MAP4K3: variants seen among roughly 807,000 people sequenced by gnomAD.
MAP4K3 encodes the protein mitogen-activated protein kinase kinase kinase kinase 3, also known as MAPK/ERK kinase kinase kinase 3.
A neutral mutation model predicts 143.5 loss-of-function variants in MAP4K3; 94 were observed. The observed-to-expected ratio is 0.65, with a 90% CI of 0.55 to 0.78. The LOEUF (loss-of-function observed/expected upper bound fraction) is 0.78. MAP4K3 is among the 30% of genes least tolerant of loss of function. MAP4K3 has a pLI of 0.00. For missense variants in MAP4K3, 1,077 were observed against 1,068.1 expected (o/e 1.01, Z -0.12); for synonymous variants, 416 against 347.2 (o/e 1.20, Z -2.20).
intron 1 of MAP4K3, among the ~76,000 whole-genome samples, chr2:39,410,535 G>C (rs1364881154): frequency 3.9e-5 from 6 of 152,068 alleles, no homozygotes; most frequent in Non-Finnish European, 2.9e-5. Flanking sequence ...CACTCTAACA[G>C]CCAAAAATCT....
chr2:39,406,150 A>C (rs1268498097), intron 1 of MAP4K3, among the ~76,000 whole-genome samples: 1 of 152,066 alleles, frequency 6.6e-6, no homozygotes, highest in Non-Finnish European at 1.5e-5. Context: ...AAGCAGAAGA[A>C]AGAATGAGTT....
At chr2:39,398,174 C>A (rs561725201) in intron 1 of MAP4K3, among the ~76,000 whole-genome samples, 1 of 152,192 alleles carries the variant, frequency 6.6e-6, no homozygotes, top group South Asian at 2.1e-4. Context: ...AAGAAATACA[C>A]ATGTACAAGC....
intron 1 of MAP4K3, among the ~76,000 whole-genome samples, chr2:39,415,195 A>T (rs1667338569): frequency 6.6e-6 from 1 of 152,232 alleles, no homozygotes; most frequent in African/African-American, 2.4e-5. Context: ...GTTCCAAATG[A>T]ATGGGCTTCA....
intron 26 of MAP4K3, among the ~76,000 whole-genome samples, chr2:39,269,682 C>A (rs1336511887): frequency 2.0e-5 from 3 of 151,976 alleles, no homozygotes; most frequent in Admixed American, 6.6e-5. Context: ...ACTGTTACCT[C>A]TTTTTAAGTA....
At chr2:39,395,208 G>A (rs1213364869) in intron 1 of MAP4K3, among the ~76,000 whole-genome samples, 1 of 152,066 alleles carries the variant, frequency 6.6e-6, no homozygotes, top group East Asian at 1.9e-4. Flanking sequence ...AAACCCACCT[G>A]CAAAGGGCTC....
rs547217943 is a variant in MAP4K3, at chr2:39,366,503, A to G, written c.155-10164T>C. Among the ~76,000 whole-genome samples the G allele has an allele frequency of 5.3e-5, 8 of 152,308 alleles. No individual in the cohort carries two copies. The East Asian group carries it at 1.4e-3, about 26-fold the overall frequency. On this transcript the variant is annotated intron_variant, in intron 2 of 33. Transcript: ENST00000263881. ...CGAAGAAATGTTTCTCTTGAGATGTAAGATCTGTACTGATGTTAATACCAG... is the reference window on the plus strand; with the variant it reads ...CGAAGAAATGTTTCTCTTGAGATGTGAGATCTGTACTGATGTTAATACCAG...
At chr2:39,405,530 G>A (rs1667070853) in intron 1 of MAP4K3, among the ~76,000 whole-genome samples, 2 of 152,236 alleles carry the variant, frequency 1.3e-5, no homozygotes, top group South Asian at 4.2e-4. Flanking sequence ...ACATCCATAA[G>A]CATCAAGACC....
At chr2:39,317,514 T>C (rs1683154673) in intron 12 of MAP4K3, among the ~76,000 whole-genome samples, 1 of 152,028 alleles carries the variant, frequency 6.6e-6, no homozygotes, top group Non-Finnish European at 1.5e-5. Context: ...AACTATGCAT[T>C]TGACCGAGAT....
intron 1 of MAP4K3, among the ~76,000 whole-genome samples, chr2:39,397,563 T>C (rs1448458317): frequency 2.6e-5 from 4 of 152,158 alleles, no homozygotes; most frequent in Admixed American, 6.5e-5. Context: ...TTAAAATTCA[T>C]ACAAACCCAA....
At chr2:39,288,988 C>T (rs1006927183) in intron 19 of MAP4K3, among the ~76,000 whole-genome samples, 1 of 152,158 alleles carries the variant, frequency 6.6e-6, no homozygotes, top group African/African-American at 2.4e-5. Context: ...GGAGGCGTAG[C>T]TTGCAGTGAG....
At chr2:39,328,199 C>T (rs979682895) in intron 8 of MAP4K3, among the ~76,000 whole-genome samples, 3 of 151,980 alleles carry the variant, frequency 2.0e-5, no homozygotes, top group South Asian at 2.1e-4. Flanking sequence ...GGCATGGTGG[C>T]GCATGCCTGT....
chr2:39,346,465 A>T (rs1172634797), intron 3 of MAP4K3, among the ~76,000 whole-genome samples: 1 of 152,188 alleles, frequency 6.6e-6, no homozygotes, highest in Non-Finnish European at 1.5e-5. Context: ...TTTGTTTTTG[A>T]CAGGTGTCTT....
chr2:39,393,241 T>C (rs922286378), intron 1 of MAP4K3, among the ~76,000 whole-genome samples: 1 of 152,174 alleles, frequency 6.6e-6, no homozygotes, highest in Non-Finnish European at 1.5e-5. Flanking sequence ...CACAAAAATG[T>C]ACAAACTGGT....
At chr2:39,343,340 T>C in intron 4 of MAP4K3, 48 bp downstream of exon 4, 1 of 1,280,516 alleles carries the variant, frequency 7.8e-7, no homozygotes, top group Non-Finnish European at 1.1e-6. Context: ...ATAGCTGTAT[T>C]TTAAGAAATT....
Position 39,436,390 on chromosome 2 carries a change from C to CT in MAP4K3, c.96+501dup, listed in dbSNP as rs978376636. Among the ~76,000 whole-genome samples the CT allele has an allele frequency of 1.1e-3, 166 of 151,842 alleles. 3 individuals carry two copies. Among genetic ancestry groups the CT allele is most frequent in the African/African-American group, 3.9e-3 (162 of 41,438 alleles). ...AGGGGGATGAATAAGGCGCTAAAGG[C>CT]TGAGAGCTGTCGATGGAAGATGGAG... On this transcript the variant is annotated intron_variant, in intron 1 of 33. Coordinates refer to ENST00000263881, the MANE Select transcript of MAP4K3 (RefSeq NM_003618.4).
chr2:39,387,657 A>C (rs764267539), intron 1 of MAP4K3, among the ~76,000 whole-genome samples: 1 of 152,228 alleles, frequency 6.6e-6, no homozygotes, highest in Non-Finnish European at 1.5e-5. Flanking sequence ...AGACGCAATG[A>C]AGAGACAATC....
intron 15 of MAP4K3, among the ~76,000 whole-genome samples, chr2:39,300,731 C>G (rs953745569): frequency 4.6e-5 from 7 of 152,220 alleles, no homozygotes; most frequent in Admixed American, 2.0e-4. Flanking sequence ...CACCTTGGAG[C>G]AGCCGCCTTC....
chr2:39,302,832 C>T (rs759932180), intron 15 of MAP4K3, among the ~76,000 whole-genome samples: 24 of 152,140 alleles, frequency 1.6e-4, no homozygotes, highest in Non-Finnish European at 2.1e-4. Context: ...AGTTCAAGAT[C>T]GTTATCCTAG....
Position 39,406,027 on chromosome 2 carries a change from A to C in MAP4K3, c.97-27904T>G, listed in dbSNP as rs868196216. Among the ~76,000 whole-genome samples the C allele has an allele frequency of 2.6e-5, 4 of 152,124 alleles. No homozygotes were observed. The South Asian group carries it at 8.3e-4, about 32-fold the overall frequency. On this transcript the variant is annotated intron_variant, in intron 1 of 33. Coordinates refer to ENST00000263881, the MANE Select transcript of MAP4K3 (RefSeq NM_003618.4). ...AGGAATTCAGAATCCTATCAGATAAATTTAACAAAGACACTGAAATAATTA... is the reference window on the plus strand; with the variant it reads ...AGGAATTCAGAATCCTATCAGATAACTTTAACAAAGACACTGAAATAATTA...
Sources: gnomAD v4.1 joint callset for allele counts (sites outside exome capture counted in the v4.1 genomes callset) on GRCh38, gnomAD v4.1.1 for gene constraint, MANE v1.5 for transcripts, NCBI Gene and HGNC (gene_info 2026-07-23, HGNC 2026-07-21) for gene names.